The following KAZN variants were observed in gnomAD, a reference collection of about 807,000 sequenced individuals.
KAZN encodes kazrin.
A neutral mutation model predicts 87.4 loss-of-function variants in KAZN; 40 were observed. The ratio of observed to expected loss-of-function variants is 0.46; its 90% CI spans 0.36 to 0.60. The LOEUF is 0.60. KAZN is among the 20% of genes least tolerant of loss of function. The probability of loss-of-function intolerance (pLI) is 0.00; values close to 1 mark genes in which losing one functional copy is unlikely to be tolerated. For missense variants in KAZN, 898 were observed against 1,073.9 expected, an observed-to-expected ratio of 0.84 and a Z score of 2.29; for synonymous variants, 466 against 458.3, an observed-to-expected ratio of 1.02 and a Z score of -0.22.
intron 1 of KAZN, among the ~76,000 whole-genome samples, chr1:14,629,171 A>G (rs1351794966): frequency 6.6e-6 from 1 of 152,174 alleles, no homozygotes; most frequent in South Asian, 2.1e-4. Flanking sequence ...AAAGAGATCA[A>G]TTCTCATACG....
At chr1:14,924,134 G>T in intron 1 of KAZN, 1 of 982,392 alleles carries the variant, frequency 1.0e-6, no homozygotes, top group Non-Finnish European at 1.2e-6. Context: ...ACTGAGAGCC[G>T]TTCCCACGTG....
rs139973104 is a variant in KAZN at position 14,563,210 on chromosome 1, G to A, written c.250-35773G>A. 1.3e-3 allele frequency among the ~76,000 whole-genome samples: 201 copies of A among 152,248 alleles called. 5 individuals are homozygous for A. The East Asian group carries it at 0.035, about 27-fold the overall frequency. On this transcript the variant is annotated intron_variant, in intron 2 of 16. Transcript: ENST00000636203. ...TCCAATGAGAATTACCTGCAGTCACGCCTGGATCAGCCTTTCTACCAAGTG... is the reference window on the plus strand; with the variant it reads ...TCCAATGAGAATTACCTGCAGTCACACCTGGATCAGCCTTTCTACCAAGTG...
At chr1:14,924,306 G>T (rs867564183) in intron 1 of KAZN, 1 of 985,370 alleles carries the variant, frequency 1.0e-6, no homozygotes, top group African/African-American at 1.8e-5. Context: ...CTGTGAGCCC[G>T]GCGCGCGCCG....
chr1:14,557,862 A>G (rs945227905), intron 2 of KAZN, among the ~76,000 whole-genome samples: 4 of 152,124 alleles, frequency 2.6e-5, no homozygotes, highest in Non-Finnish European at 5.9e-5. Context: ...CAGAGCCTGG[A>G]ATTCAACAGT....
rs563743325 is a variant in KAZN, at chr1:14,407,390, G to C, written c.250-191593G>C. 2.4e-3 allele frequency among the ~76,000 whole-genome samples: 358 copies of C among 152,314 alleles called. 3 individuals carry two copies. The highest frequency in any genetic ancestry group is 0.01 in the Middle Eastern group (3 of 294). ...GATATTGTTCTGCTGGTCATTGAAA[G>C]AAGTCCTTACAAAGACTATCCAACA... On this transcript the variant is annotated intron_variant, in intron 2 of 16. Coordinates refer to the KAZN transcript ENST00000636203.
At chr1:14,091,556 GT>G (rs1557468158) in intron 1 of KAZN, among the ~76,000 whole-genome samples, 1 of 152,096 alleles carries the variant, frequency 6.6e-6, no homozygotes, top group Non-Finnish European at 1.5e-5. Flanking sequence ...ATAGCTAAAG[GT>G]AAAAACATCA....
At chr1:15,048,035 CA>C (rs1406585315) in intron 4 of KAZN, among the ~76,000 whole-genome samples, 2 of 152,184 alleles carry the variant, frequency 1.3e-5, no homozygotes, top group Non-Finnish European at 2.9e-5. Flanking sequence ...GCAAAGCTCA[CA>C]CCTGCCAGTG....
chr1:14,599,092 C>A lies in KAZN; in HGVS notation c.95C>A (p.Ala32Asp). Residue 32 changes from alanine to aspartate, a missense_variant, in exon 1 of 15, where the codon GCC (alanine) becomes GAC (aspartate). Transcript: ENST00000376030. The surrounding 1 kb of genome is among the most constrained non-coding windows in gnomAD (Gnocchi z 4.4). ...ACCAACCTGCGAGCCGAACTCACGG[C>A]CACCAACCGGAGACTGGCGGAACTG... Reference protein sequence around the residue: ...EVTNLRAELTATNRRLAELSG... With the variant: ...EVTNLRAELTDTNRRLAELSG... 1.3e-6 allele frequency: 2 copies of A among 1,559,750 alleles called. No individual in the cohort carries two copies. Among genetic ancestry groups the A allele is most frequent in the Non-Finnish European group, 1.7e-6 (2 of 1,157,628 alleles).
chr1:14,901,411 C>A (rs1655873708), intron 1 of KAZN, among the ~76,000 whole-genome samples: 1 of 129,604 alleles, frequency 7.7e-6, no homozygotes, highest in Admixed American at 8.1e-5. Flanking sequence ...GCTGTTTATG[C>A]CACATCCAGG....
chr1:14,211,518 C>T (rs7549415), intron 2 of KAZN, among the ~76,000 whole-genome samples: 13,118 of 152,138 alleles, frequency 0.086, 733 homozygotes, highest in East Asian at 0.12. Flanking sequence ...GCCACCGTGC[C>T]GGGCCTATCT....
chr1:14,657,271 C>T (rs1053101420), intron 1 of KAZN, among the ~76,000 whole-genome samples: 42 of 151,946 alleles, frequency 2.8e-4, no homozygotes, highest in Non-Finnish European at 4.6e-4. Context: ...TTAGTAGAGA[C>T]GGGGTTTCTC....
At chr1:14,593,800 T>G (rs935308934), upstream of KAZN, among the ~76,000 whole-genome samples, 1 of 152,116 alleles carries the variant, frequency 6.6e-6, no homozygotes, top group Non-Finnish European at 1.5e-5. Context: ...GCAAAGACCT[T>G]GAGGTCAGAA....
At chr1:14,604,565 G>A (rs536042385) in intron 1 of KAZN, among the ~76,000 whole-genome samples, 42 of 152,332 alleles carry the variant, frequency 2.8e-4, no homozygotes, top group South Asian at 6.2e-4. Context: ...TGCTCTGTGG[G>A]CACTCCTGCT....
intron 1 of KAZN, among the ~76,000 whole-genome samples, chr1:14,927,034 C>T (rs897505754): frequency 6.6e-6 from 1 of 152,112 alleles, no homozygotes. Context: ...GGTGCGTGAC[C>T]CAGGGACTAG....
chr1:14,850,038 C>T (rs865835965), intron 1 of KAZN, among the ~76,000 whole-genome samples: 4 of 151,322 alleles, frequency 2.6e-5, no homozygotes, highest in South Asian at 2.1e-4. Context: ...CAAGTTCAAG[C>T]GATTCTCCTG....
At chr1:14,395,501 G>GGGCTGT (rs1036895903) in intron 2 of KAZN, among the ~76,000 whole-genome samples, 3 of 152,174 alleles carry the variant, frequency 2.0e-5, no homozygotes, top group Non-Finnish European at 4.4e-5. Flanking sequence ...ATCACGGAGA[G>GGGCTGT]GGCTGTGGCT....
chr1:13,902,266 A>G lies in KAZN; in HGVS notation c.91+8510A>G, dbSNP rs58876675. Among the ~76,000 whole-genome samples, 573 of 152,340 alleles carry G rather than the reference A, an allele frequency of 3.8e-3. 3 individuals are homozygous for G. The highest frequency in any genetic ancestry group is 0.013 in the African/African-American group (527 of 41,580). On this transcript the variant is annotated intron_variant, in intron 1 of 16. Coordinates refer to the KAZN transcript ENST00000636203. ...CTTCTGAAAGTGCTGGGATTAAATG[A>G]CCGGAGGGTTTCCTCCTTTGAAACT...
chr1:14,528,337 C>CAAAAAAAAAAA (rs33960231), intron 2 of KAZN, among the ~76,000 whole-genome samples: 49 of 49,338 alleles, frequency 9.9e-4, no homozygotes, highest in Non-Finnish European at 1.2e-3. Context: ...GACTCCATCT[C>CAAAAAAAAAAA]AAAAAAAAAA....
intron 2 of KAZN, among the ~76,000 whole-genome samples, chr1:14,259,069 A>G (rs1650805418): frequency 6.6e-6 from 1 of 152,070 alleles, no homozygotes; most frequent in African/African-American, 2.4e-5. Flanking sequence ...TGCGGGACAG[A>G]TGAACAAAGG....
Sources: allele counts gnomAD v4.1 joint callset (sites outside exome capture counted in the v4.1 genomes callset), GRCh38; gene constraint gnomAD v4.1.1; non-coding constraint Gnocchi (gnomAD v3.1); transcripts MANE v1.5; gene names NCBI Gene and HGNC (gene_info 2026-07-23, HGNC 2026-07-21).